LRRTM4: variants seen among roughly 807,000 people sequenced by gnomAD.
The protein encoded by LRRTM4 is leucine rich repeat transmembrane neuronal 4.
LRRTM4 carries 25 observed loss-of-function variants against 47.6 expected under a neutral mutation model. The observed-to-expected ratio is 0.53, with a 90% CI of 0.38 to 0.73. The LOEUF is 0.73. Among genes scored for constraint, LRRTM4 ranks in the 30% least tolerant of loss-of-function variants. The probability of loss-of-function intolerance (pLI) is 0.00; values close to 1 mark genes in which losing one functional copy is unlikely to be tolerated. For missense variants in LRRTM4, 638 were observed against 713.4 expected, an observed-to-expected ratio of 0.89 and a Z score of 1.20; for synonymous variants, 311 against 269.5, an observed-to-expected ratio of 1.15 and a Z score of -1.51.
chr2:77,141,963 C>G (rs1672135556), intron 3 of LRRTM4, among the ~76,000 whole-genome samples: 1 of 152,158 alleles, frequency 6.6e-6, no homozygotes, highest in African/African-American at 2.4e-5. Flanking sequence ...TCTTTCTGGC[C>G]TGTTGCATTC....
At chr2:77,174,679 G>T (rs1243992300) in intron 3 of LRRTM4, among the ~76,000 whole-genome samples, 2 of 152,068 alleles carry the variant, frequency 1.3e-5, no homozygotes, top group Non-Finnish European at 2.9e-5. Flanking sequence ...AAGTTTTAGG[G>T]TACATGTGCA....
At chr2:76,827,856 T>A (rs1392895754) in intron 3 of LRRTM4, among the ~76,000 whole-genome samples, 1 of 151,902 alleles carries the variant, frequency 6.6e-6, no homozygotes, top group East Asian at 1.9e-4. Context: ...TATAATAATA[T>A]TATTGCTAGG....
intron 3 of LRRTM4, among the ~76,000 whole-genome samples, chr2:76,913,543 A>ATTTTTTTTTTTTTTTT (rs58615415): frequency 0.028 from 3,356 of 120,186 alleles, 259 homozygotes; most frequent in African/African-American, 0.053. Flanking sequence ...TCCTATTTCA[A>ATTTTTTTTTTTTTTTT]TTTTTTTTTT....
At chr2:77,068,237 A>T (rs1476127083) in intron 3 of LRRTM4, among the ~76,000 whole-genome samples, 1 of 152,208 alleles carries the variant, frequency 6.6e-6, no homozygotes, top group East Asian at 1.9e-4. Context: ...AAGGGAGAAC[A>T]TCTGCCAGCT....
At chr2:76,914,528 A>C (rs1674179616) in intron 3 of LRRTM4, among the ~76,000 whole-genome samples, 1 of 152,134 alleles carries the variant, frequency 6.6e-6, no homozygotes, top group African/African-American at 2.4e-5. Flanking sequence ...ATGTTTATTA[A>C]ATCAGGATTA....
chr2:76,935,533 G>A (rs187361111), intron 3 of LRRTM4, among the ~76,000 whole-genome samples: 1 of 152,114 alleles, frequency 6.6e-6, no homozygotes, highest in African/African-American at 2.4e-5. Flanking sequence ...TCCTTGAGCA[G>A]TGGTTTGTAG....
chr2:77,452,090 T>G (rs1042362594), intron 3 of LRRTM4, among the ~76,000 whole-genome samples: 1 of 151,608 alleles, frequency 6.6e-6, no homozygotes, highest in Admixed American at 6.6e-5. Flanking sequence ...GAGTTCAGAT[T>G]TCACATTAAA....
intron 3 of LRRTM4, among the ~76,000 whole-genome samples, chr2:77,060,018 A>G (rs760645824): frequency 2.0e-4 from 30 of 152,338 alleles, no homozygotes; most frequent in Non-Finnish European, 3.1e-4. Flanking sequence ...AGGAGTTAGC[A>G]GACTATGGCT....
At chr2:77,101,400 G>C (rs931389373) in intron 3 of LRRTM4, among the ~76,000 whole-genome samples, 10 of 151,980 alleles carry the variant, frequency 6.6e-5, no homozygotes, top group Admixed American at 5.2e-4. Context: ...CAAAATGAGG[G>C]GGGTGAAGAT....
chr2:77,488,866 G>A (rs906447765), intron 3 of LRRTM4, among the ~76,000 whole-genome samples: 2 of 151,604 alleles, frequency 1.3e-5, no homozygotes, highest in African/African-American at 2.4e-5. Flanking sequence ...AACAACTTGT[G>A]ACCCTATAAA....
At chr2:77,179,475 A>G (rs534845047) in intron 3 of LRRTM4, among the ~76,000 whole-genome samples, 47 of 152,200 alleles carry the variant, frequency 3.1e-4, no homozygotes, top group African/African-American at 1.1e-3. Context: ...GAGGTTTAGT[A>G]ATCGTTTGTT....
intron 3 of LRRTM4, among the ~76,000 whole-genome samples, chr2:77,388,068 C>T (rs764135908): frequency 6.6e-6 from 1 of 151,190 alleles, no homozygotes; most frequent in Non-Finnish European, 1.5e-5. Context: ...ATTGTCATTG[C>T]GTGGTAAATT....
intron 3 of LRRTM4, among the ~76,000 whole-genome samples, chr2:77,451,385 T>C (rs1323905249): frequency 6.6e-6 from 1 of 152,182 alleles, no homozygotes; most frequent in Non-Finnish European, 1.5e-5. Flanking sequence ...AATCTGAGCA[T>C]CAGTGCTGTT....
At chr2:77,154,794 G>A (rs1324853856) in intron 3 of LRRTM4, among the ~76,000 whole-genome samples, 2 of 152,116 alleles carry the variant, frequency 1.3e-5, no homozygotes, top group Non-Finnish European at 2.9e-5. Flanking sequence ...GTTAGGGCAT[G>A]CATGGGCTTT....
chr2:77,004,236 C>T (rs1417198805), intron 3 of LRRTM4, among the ~76,000 whole-genome samples: 6 of 152,138 alleles, frequency 3.9e-5, no homozygotes, highest in Admixed American at 3.3e-4. Context: ...CAGTCCCCAA[C>T]CCCCATCATA....
At chr2:76,757,284 C>T (rs190239908) in intron 3 of LRRTM4, among the ~76,000 whole-genome samples, 40 of 152,236 alleles carry the variant, frequency 2.6e-4, no homozygotes, top group Admixed American at 2.4e-3. Context: ...GAGGTGGGAA[C>T]ATGTACTATT....
intron 3 of LRRTM4, among the ~76,000 whole-genome samples, chr2:77,189,590 C>T (rs1017845669): frequency 4.6e-5 from 7 of 152,028 alleles, no homozygotes; most frequent in African/African-American, 1.7e-4. Flanking sequence ...TGGAAATCTG[C>T]CACCCAAAAG....
intron 3 of LRRTM4, among the ~76,000 whole-genome samples, chr2:76,931,926 T>C (rs953150360): frequency 1.3e-5 from 2 of 152,128 alleles, no homozygotes; most frequent in African/African-American, 4.8e-5. Context: ...GAAAGGAGGA[T>C]GGGCAGAACA....
chr2:77,411,544 C>T (rs1405291060), intron 3 of LRRTM4, among the ~76,000 whole-genome samples: 2 of 148,686 alleles, frequency 1.3e-5, no homozygotes, highest in South Asian at 2.1e-4. Flanking sequence ...GCTCCGCCTC[C>T]CGGGTTCACG....
Sources: allele counts gnomAD v4.1 joint callset (sites outside exome capture counted in the v4.1 genomes callset), GRCh38; gene constraint gnomAD v4.1.1; transcripts MANE v1.5; gene names NCBI Gene and HGNC (gene_info 2026-07-23, HGNC 2026-07-21).